The following SHISA9 variants were observed in gnomAD, a reference collection of about 807,000 sequenced individuals.
SHISA9 encodes shisa family member 9.
A neutral mutation model predicts 38.0 loss-of-function variants in SHISA9; 13 were observed. The ratio of observed to expected loss-of-function variants is 0.34; its 90% CI spans 0.22 to 0.54. The LOEUF (loss-of-function observed/expected upper bound fraction) is 0.54, where lower values mean the gene tolerates loss of function less well. Ranked by LOEUF, SHISA9 falls within the 20% of genes least tolerant of loss-of-function variation. The probability of loss-of-function intolerance (pLI) is 0.91; values close to 1 mark genes in which losing one functional copy is unlikely to be tolerated. For missense variants in SHISA9, 538 were observed against 575.8 expected, an observed-to-expected ratio of 0.93 and a Z score of 0.67; for synonymous variants, 275 against 242.0, an observed-to-expected ratio of 1.14 and a Z score of -1.27.
At chr16:13,109,831 CA>C (rs1421133980) in intron 2 of SHISA9, among the ~76,000 whole-genome samples, 1 of 152,198 alleles carries the variant, frequency 6.6e-6, no homozygotes, top group African/African-American at 2.4e-5. Context: ...CCTGTCTTAG[CA>C]GGTATAAATT....
chr16:13,172,757 T>TG (rs1366500060), intron 2 of SHISA9, among the ~76,000 whole-genome samples: 2 of 151,808 alleles, frequency 1.3e-5, no homozygotes, highest in African/African-American at 2.4e-5. Flanking sequence ...TTTTTTTTTT[T>TG]TTTGGTAAAT....
chr16:13,399,550 G>C, the SHISA9 span, among the ~76,000 whole-genome samples: 1 of 152,088 alleles, frequency 6.6e-6, no homozygotes, highest in Admixed American at 6.5e-5. Context: ...TCATGTTCTC[G>C]TCACCCCTTC....
the SHISA9 span, among the ~76,000 whole-genome samples, chr16:13,394,837 C>T: frequency 6.6e-6 from 1 of 152,080 alleles, no homozygotes; most frequent in Non-Finnish European, 1.5e-5. Flanking sequence ...TTATACTCTG[C>T]CCCTCACTTG....
chr16:13,541,355 A>T, the SHISA9 span, among the ~76,000 whole-genome samples: 1 of 152,144 alleles, frequency 6.6e-6, no homozygotes, highest in Non-Finnish European at 1.5e-5. Context: ...TTAAATTAAG[A>T]TATTTAAAAA....
At chr16:13,502,964 T>G in the SHISA9 span, among the ~76,000 whole-genome samples, 4 of 152,090 alleles carry the variant, frequency 2.6e-5, no homozygotes, top group Admixed American at 2.6e-4. Context: ...CAATTGCAAA[T>G]TATAACAGTG....
chr16:12,916,837 A>C, intron 2 of SHISA9, 22 bp downstream of exon 2: 1 of 1,549,738 alleles, frequency 6.5e-7, no homozygotes, highest in South Asian at 1.2e-5. Context: ...TGCATGAACC[A>C]TTTCCAGTCC....
chr16:12,983,214 C>T (rs968233371), intron 2 of SHISA9, among the ~76,000 whole-genome samples: 2 of 152,166 alleles, frequency 1.3e-5, no homozygotes, highest in Non-Finnish European at 2.9e-5. Flanking sequence ...GAAGCTGAGA[C>T]AGAGCTTATG....
intron 2 of SHISA9, among the ~76,000 whole-genome samples, chr16:13,136,380 A>T (rs1021147553): frequency 6.6e-6 from 1 of 150,724 alleles, no homozygotes; most frequent in African/African-American, 2.4e-5. Context: ...CGTTGTGTGA[A>T]ATATACAGTT....
chr16:12,911,280 C>G, intron 1 of SHISA9: 2 of 985,422 alleles, frequency 2.0e-6, no homozygotes, highest in Non-Finnish European at 2.4e-6. Flanking sequence ...AGCACTCAAA[C>G]TATGTGCCGC....
the SHISA9 span, among the ~76,000 whole-genome samples, chr16:13,284,833 A>C: frequency 3.3e-5 from 5 of 152,178 alleles, no homozygotes; most frequent in African/African-American, 1.2e-4. Flanking sequence ...TCATGGGCTC[A>C]AGTGATCTGC....
chr16:13,372,304 G>T, the SHISA9 span, among the ~76,000 whole-genome samples: 2 of 152,176 alleles, frequency 1.3e-5, no homozygotes, highest in Non-Finnish European at 2.9e-5. Flanking sequence ...ACAAGGTGCT[G>T]GGTGCTGGGC....
At chr16:13,280,117 C>CTTTTTTTTTTTTTTT in the SHISA9 span, among the ~76,000 whole-genome samples, 26 of 102,812 alleles carry the variant, frequency 2.5e-4, no homozygotes, top group African/African-American at 3.5e-4. Flanking sequence ...CTCTCTTTCT[C>CTTTTTTTTTTTTTTT]TTTTTTTTTT....
At chr16:13,147,873 T>C (rs1017760062) in intron 2 of SHISA9, among the ~76,000 whole-genome samples, 1 of 152,212 alleles carries the variant, frequency 6.6e-6, no homozygotes, top group Non-Finnish European at 1.5e-5. Flanking sequence ...CTTTTCCTAC[T>C]GAGCATAGCT....
rs1311638995 is a variant in SHISA9, at chr16:13,019,989, T to TTCCTTCCC, written c.691+103181_691+103182insCTCCTTCC. 4.4e-4 allele frequency among the ~76,000 whole-genome samples: 57 copies of TTCCTTCCC among 129,034 alleles called. 6 individuals are homozygous for TTCCTTCCC. In the South Asian group the frequency reaches 0.015, roughly 33 times the overall value. The allele number at this position is 129,034 out of a possible 152,430, so 84.7% of individuals were successfully genotyped here. ...CTTCTTTCCTTCCTTCCTTCCTTCC[T>TTCCTTCCC]TCCTTCCTTCCTTCCTTCCTTCCCT... On this transcript the variant is annotated intron_variant, in intron 2 of 4. Transcript: ENST00000558583.
At chr16:13,287,621 G>T in the SHISA9 span, among the ~76,000 whole-genome samples, 1 of 152,148 alleles carries the variant, frequency 6.6e-6, no homozygotes, top group Non-Finnish European at 1.5e-5. Flanking sequence ...TGCTGGAAGG[G>T]ATAGTGGGAG....
At chr16:13,253,875 A>C in the SHISA9 span, among the ~76,000 whole-genome samples, 14 of 152,342 alleles carry the variant, frequency 9.2e-5, no homozygotes, top group South Asian at 2.9e-3. Flanking sequence ...CAAGATTAGG[A>C]AGAGAAAAAT....
At chr16:13,245,910 G>A in the SHISA9 span, among the ~76,000 whole-genome samples, 2 of 152,060 alleles carry the variant, frequency 1.3e-5, no homozygotes, top group Non-Finnish European at 2.9e-5. Context: ...TTATTTAAGG[G>A]CTTAAATAAA....
chr16:13,544,197 G>A, the SHISA9 span, among the ~76,000 whole-genome samples: 108 of 150,308 alleles, frequency 7.2e-4, no homozygotes, highest in African/African-American at 2.6e-3. Flanking sequence ...ATAGCATGAG[G>A]CAGTATTAAA....
the SHISA9 span, chr16:13,246,334 A>C: frequency 6.6e-6 from 1 of 152,162 alleles, no homozygotes; most frequent in Non-Finnish European, 1.5e-5. Context: ...TTCCCCATGT[A>C]AGATGTGCCT....
Sources: allele counts gnomAD v4.1 joint callset (sites outside exome capture counted in the v4.1 genomes callset), GRCh38; gene constraint gnomAD v4.1.1; transcripts MANE v1.5; gene names NCBI Gene and HGNC (gene_info 2026-07-23, HGNC 2026-07-21).